Variants in ZCCHC7 observed in about 807,000 individuals in gnomAD.
ZCCHC7 encodes the protein zinc finger CCHC-type containing 7, also known as zinc finger CCHC domain-containing protein 7.
In ZCCHC7, 35 loss-of-function variants were observed where a neutral mutation model predicts 52.0. The observed-to-expected ratio is 0.67, with a 90% CI of 0.51 to 0.89. The LOEUF (loss-of-function observed/expected upper bound fraction) is 0.89. Among genes scored for constraint, ZCCHC7 ranks in the 40% least tolerant of loss-of-function variants. The probability of loss-of-function intolerance (pLI) is 0.00; values close to 1 mark genes in which losing one functional copy is unlikely to be tolerated. For missense variants in ZCCHC7, 574 were observed against 649.1 expected, an observed-to-expected ratio of 0.88 and a Z score of 1.26; for synonymous variants, 217 against 221.5, an observed-to-expected ratio of 0.98 and a Z score of 0.18.
intron 2 of ZCCHC7, among the ~76,000 whole-genome samples, chr9:37,128,086 A>G (rs1007945771): frequency 1.3e-5 from 2 of 152,164 alleles, no homozygotes; most frequent in African/African-American, 2.4e-5. Flanking sequence ...TTTTTTCCAT[A>G]TAGGTGAGCT....
At chr9:37,150,966 G>GTT (rs1316435254) in intron 2 of ZCCHC7, among the ~76,000 whole-genome samples, 43 of 130,572 alleles carry the variant, frequency 3.3e-4, no homozygotes, top group South Asian at 5.0e-4. Context: ...GGGTTTTTTT[G>GTT]TTTTTTTTTT....
chr9:37,167,284 T>TTTTTTTTATG, intron 2 of ZCCHC7, among the ~76,000 whole-genome samples: 1 of 152,010 alleles, frequency 6.6e-6, no homozygotes, highest in African/African-American at 2.4e-5. Context: ...TTTTTTCCTT[T>TTTTTTTTATG]TAGAGATGGG....
At chr9:37,153,588 A>G (rs779027368) in intron 2 of ZCCHC7, among the ~76,000 whole-genome samples, 3 of 150,814 alleles carry the variant, frequency 2.0e-5, no homozygotes, top group Non-Finnish European at 4.4e-5. Context: ...TGTTGGGATT[A>G]AGGTATGAGC....
intron 2 of ZCCHC7, chr9:37,186,793 C>A: frequency 2.2e-6 from 1 of 458,800 alleles, no homozygotes; most frequent in South Asian, 3.6e-5. Context: ...TTAATTAATA[C>A]ATGGGGGATG....
At chr9:37,295,829 G>C (rs1385505980) in intron 2 of ZCCHC7, among the ~76,000 whole-genome samples, 1 of 152,026 alleles carries the variant, frequency 6.6e-6, no homozygotes, top group Non-Finnish European at 1.5e-5. Context: ...TCTCACTATG[G>C]GCATATATGA....
intron 2 of ZCCHC7, among the ~76,000 whole-genome samples, chr9:37,200,155 T>A (rs1157024261): frequency 6.6e-6 from 1 of 151,890 alleles, no homozygotes; most frequent in African/African-American, 2.4e-5. Context: ...TCTGTTACTT[T>A]GTTTTTCTAA....
chr9:37,281,466 A>G (rs367865317), intron 2 of ZCCHC7, among the ~76,000 whole-genome samples: 7 of 152,324 alleles, frequency 4.6e-5, no homozygotes, highest in South Asian at 4.1e-4. Context: ...TTTATGTGCA[A>G]CTTCTTTAAA....
chr9:37,289,935 A>G (rs10973289), intron 2 of ZCCHC7, among the ~76,000 whole-genome samples: 2 of 152,116 alleles, frequency 1.3e-5, no homozygotes, highest in African/African-American at 4.8e-5. Flanking sequence ...TAATTCTTCC[A>G]TCTCCTTTAA....
chr9:37,278,718 A>G (rs376796302), intron 2 of ZCCHC7, among the ~76,000 whole-genome samples: 15 of 152,220 alleles, frequency 9.9e-5, no homozygotes, highest in African/African-American at 3.1e-4. Context: ...AGGAATAATA[A>G]TAAAACTGAG....
intron 2 of ZCCHC7, among the ~76,000 whole-genome samples, chr9:37,146,715 GAAGT>G (rs781066221): frequency 0.039 from 5,969 of 151,930 alleles, 192 homozygotes; most frequent in Admixed American, 0.084. Context: ...AAATAAGAGA[GAAGT>G]CTTTAATGTG....
chr9:37,126,767 A>G lies in ZCCHC7; in HGVS notation c.435A>G (p.Arg145=). 1 of 1,614,162 alleles carries G rather than the reference A, an allele frequency of 6.2e-7. No individual in the cohort carries two copies. The highest frequency in any genetic ancestry group is 8.5e-7 in the Non-Finnish European group (1 of 1,180,016). Residue 145 remains arginine (R), a synonymous_variant, in exon 2 of 9, where the codon AGA becomes AGG. Transcript: ENST00000336755. The part of the protein sequence containing the change: ...SDIEKPKSEE[R]SGVIREVMII... ...TTGAGAAGCCTAAATCTGAAGAGAG[A>G]TCAGGTGTAATCCGAGAGGTCATGA...
intron 2 of ZCCHC7, among the ~76,000 whole-genome samples, chr9:37,181,189 T>A (rs1822333907): frequency 6.6e-6 from 1 of 152,210 alleles, no homozygotes; most frequent in Non-Finnish European, 1.5e-5. Context: ...TATTTCGTTG[T>A]CCTTCCTTTT....
chr9:37,272,439 C>G (rs1564216531), intron 2 of ZCCHC7, among the ~76,000 whole-genome samples: 1 of 147,580 alleles, frequency 6.8e-6, no homozygotes, highest in Non-Finnish European at 1.5e-5. Context: ...ACCTATGTAA[C>G]CATCACCCGG....
intron 2 of ZCCHC7, among the ~76,000 whole-genome samples, chr9:37,199,120 G>A (rs186695248): frequency 6.4e-4 from 97 of 151,916 alleles, no homozygotes; most frequent in African/African-American, 1.8e-3. Context: ...AATTTAAATG[G>A]CCAATGAAAA....
At chr9:37,254,869 G>A (rs1351596531) in intron 2 of ZCCHC7, among the ~76,000 whole-genome samples, 1 of 31,312 alleles carries the variant, frequency 3.2e-5, no homozygotes, top group African/African-American at 1.2e-4. Flanking sequence ...TTTGAATTAG[G>A]GATACTCAAC....
chr9:37,218,461 C>T (rs1824629617), intron 2 of ZCCHC7, among the ~76,000 whole-genome samples: 1 of 152,014 alleles, frequency 6.6e-6, no homozygotes, highest in Admixed American at 6.6e-5. Flanking sequence ...AAATTCATTC[C>T]CCCCTGTGTT....
chr9:37,191,091 T>G (rs1013237674), intron 2 of ZCCHC7, among the ~76,000 whole-genome samples: 1 of 152,082 alleles, frequency 6.6e-6, no homozygotes, highest in Non-Finnish European at 1.5e-5. Context: ...AGGGTACACC[T>G]TTTATGGGTG....
chr9:37,229,547 A>G (rs1407559617), intron 2 of ZCCHC7, among the ~76,000 whole-genome samples: 6 of 152,328 alleles, frequency 3.9e-5, no homozygotes, highest in Non-Finnish European at 7.3e-5. Flanking sequence ...ATATTTGTGT[A>G]TCTAAACATA....
chr9:37,256,363 T>G (rs1239919357), intron 2 of ZCCHC7, among the ~76,000 whole-genome samples: 1 of 152,204 alleles, frequency 6.6e-6, no homozygotes, highest in Non-Finnish European at 1.5e-5. Flanking sequence ...AGGTCAAATC[T>G]GTGTTGCTAG....
Sources: allele counts gnomAD v4.1 joint callset (sites outside exome capture counted in the v4.1 genomes callset), GRCh38; gene constraint gnomAD v4.1.1; transcripts MANE v1.5; gene names NCBI Gene and HGNC (gene_info 2026-07-23, HGNC 2026-07-21).